The following PCDHA1 variants were observed in gnomAD, a reference collection of about 807,000 sequenced individuals.
PCDHA1 encodes protocadherin alpha-1.
PCDHA1 carries 42 observed loss-of-function variants against 61.3 expected under a neutral mutation model. That is an observed-to-expected ratio of 0.69 (90% CI 0.54 to 0.89). The LOEUF (loss-of-function observed/expected upper bound fraction) is 0.89. Among genes scored for constraint, PCDHA1 ranks in the 40% least tolerant of loss-of-function variants. PCDHA1 has a pLI of 0.00. For synonymous variants in PCDHA1, 610 were observed against 553.8 expected (o/e 1.10, Z -1.43); for missense variants, 1,256 against 1,235.3 (o/e 1.02, Z -0.25).
rs139214405 is a variant in PCDHA1, at chr5:140,927,269, C to A, written c.2395-51680C>A. The A allele has an allele frequency of 2.4e-5, 38 of 1,614,024 alleles. No individual in the cohort carries two copies. In the African/African-American group the frequency reaches 3.9e-4, roughly 16 times the overall value. On this transcript the variant is annotated intron_variant, in intron 1 of 3. Transcript: ENST00000504120. ...AATGACAACTCACCTCTCTTTCCTG[C>A]CGGCGACGTGCAGCTGCACATCCCC...
chr5:141,007,200 G>T (rs1437076735), intron 3 of PCDHA1, among the ~76,000 whole-genome samples: 2 of 152,010 alleles, frequency 1.3e-5, no homozygotes, highest in Admixed American at 6.6e-5. Context: ...GATGGTGGGG[G>T]CCAGAATATG....
chr5:140,903,415 A>T (rs1303652958), intron 1 of PCDHA1, among the ~76,000 whole-genome samples: 1 of 152,238 alleles, frequency 6.6e-6, no homozygotes, highest in East Asian at 1.9e-4. Flanking sequence ...GTCAGGAAAA[A>T]TTCAGCACAA....
chr5:140,803,552 A>C (rs1554122885), intron 1 of PCDHA1: 10 of 1,614,214 alleles, frequency 6.2e-6, no homozygotes, highest in Non-Finnish European at 8.5e-6. Context: ...GCCGGGATAG[A>C]GAGGAGAAAC....
chr5:140,898,673 G>A (rs1378652105), intron 1 of PCDHA1, among the ~76,000 whole-genome samples: 1 of 152,170 alleles, frequency 6.6e-6, no homozygotes, highest in Non-Finnish European at 1.5e-5. Flanking sequence ...GGTGTTGCGG[G>A]CTGTTTTTTG....
At chr5:140,858,233 G>A in intron 1 of PCDHA1, 2 of 1,596,216 alleles carry the variant, frequency 1.3e-6, no homozygotes, top group Non-Finnish European at 1.7e-6. Flanking sequence ...CACCGAGGGC[G>A]CATGTGGGCC....
Position 140,788,701 on chromosome 5 carries a change from A to T in PCDHA1, c.2394+17A>T, listed in dbSNP as rs1554118319. ...TCTGGTAATGTAAGTCCAACTTTCG[A>T]GTTTTGGCTTTAAATATTTTTCATA... On this transcript the variant is annotated intron_variant, in intron 1 of 3. Transcript: ENST00000504120. 1 of 1,525,470 alleles carries T rather than the reference A, an allele frequency of 6.6e-7. No individual in the cohort carries two copies. Among genetic ancestry groups the T allele is most frequent in the Admixed American group, 2.2e-5 (1 of 44,680 alleles). The allele number at this position is 1,525,470 out of a possible 1,614,324, so 94.5% of individuals were successfully genotyped here.
chr5:140,842,233 T>C (rs2150332327), intron 1 of PCDHA1: 1 of 1,612,914 alleles, frequency 6.2e-7, no homozygotes, highest in Admixed American at 1.7e-5. Context: ...AAATAGTGAT[T>C]CGGGGTAATT....
At chr5:140,832,321 C>T (rs1475478969) in intron 1 of PCDHA1, among the ~76,000 whole-genome samples, 2 of 152,258 alleles carry the variant, frequency 1.3e-5, no homozygotes, top group Middle Eastern at 3.4e-3. Flanking sequence ...GCTTAAGGGC[C>T]ATTAGAGGAC....
chr5:141,000,185 G>A (rs1434179793), intron 3 of PCDHA1, among the ~76,000 whole-genome samples: 1 of 151,896 alleles, frequency 6.6e-6, no homozygotes, highest in African/African-American at 2.4e-5. Flanking sequence ...AGGAGTCAAT[G>A]TGAGAATAGT....
rs1228287347 is a variant in PCDHA1 at position 140,788,216 on chromosome 5, G to A, written c.1926G>A (p.Leu642=). ...STTRVLDEAD[L]SRYRLLVLVK... is the part of the protein sequence containing the mutation. ...CTCGTGTCCTGGACGAGGCTGACTT[G>A]TCGCGCTACCGCCTTCTGGTGCTAG... The change falls in exon 1 of 4, where the codon TTG becomes TTA. Residue 642 remains leucine (L), a synonymous_variant. Transcript: ENST00000504120. 5 of 1,614,046 alleles carry A rather than the reference G, an allele frequency of 3.1e-6. No homozygotes were observed. The African/African-American group carries it at 6.7e-5, about 21-fold the overall frequency.
chr5:140,876,716 G>C lies in PCDHA1; in HGVS notation c.2394+88032G>C, dbSNP rs374218090. On this transcript the variant is annotated intron_variant, in intron 1 of 3. Coordinates refer to ENST00000504120, the MANE Select transcript of PCDHA1 (RefSeq NM_018900.4). ...TTGGTGCTGGACAGCGCCCTGGACC[G>C]CGAGAGCGTGTCGGCCTATGAGCTG... 135 of 1,614,132 alleles carry C rather than the reference G, an allele frequency of 8.4e-5. No homozygotes were observed. In the Middle Eastern group the frequency reaches 2.5e-3, roughly 29 times the overall value.
intron 1 of PCDHA1, among the ~76,000 whole-genome samples, chr5:140,838,628 T>G (rs1364400587): frequency 2.0e-5 from 3 of 151,994 alleles, no homozygotes; most frequent in African/African-American, 7.3e-5. Flanking sequence ...TTACAAATAA[T>G]TTGGTTGGTC....
chr5:140,827,852 A>C (rs1554130902), intron 1 of PCDHA1: 2 of 494,614 alleles, frequency 4.0e-6, no homozygotes, highest in Non-Finnish European at 6.9e-6. Context: ...ACTGTTTTAA[A>C]AATATATGGT....
intron 3 of PCDHA1, among the ~76,000 whole-genome samples, chr5:140,991,587 C>T (rs1469333893): frequency 1.3e-5 from 2 of 152,208 alleles, no homozygotes; most frequent in African/African-American, 2.4e-5. Flanking sequence ...CTTATTTCTA[C>T]CTGAGCCCTC....
chr5:140,821,883 G>A, intron 1 of PCDHA1: 1 of 1,614,238 alleles, frequency 6.2e-7, no homozygotes, highest in Non-Finnish European at 8.5e-7. Flanking sequence ...CGATCCCGGA[G>A]GAAGCCAAAC....
Position 140,787,059 on chromosome 5 carries a change from A to C in PCDHA1, c.769A>C (p.Asn257His), listed in dbSNP as rs782737407. ...YRVHLLETTANGTLVTTLNAS... is the reference protein window; with the variant it reads ...YRVHLLETTAHGTLVTTLNAS... ...AGTCCACTTGTTAGAGACTACAGCA[A>C]ATGGAACATTAGTGACCACATTAAA... Residue 257 changes from asparagine (N) to histidine (H), a missense_variant, in exon 1 of 4, where the codon AAT (asparagine) becomes CAT (histidine). Physicochemically the swap from Asn to His is moderately conservative, Grantham distance 68. Transcript: ENST00000504120. The C allele has an allele frequency of 6.2e-7, 1 of 1,614,228 alleles. No individual in the cohort carries two copies. Among genetic ancestry groups the C allele is most frequent in the South Asian group, 1.1e-5 (1 of 91,090 alleles).
intron 3 of PCDHA1, among the ~76,000 whole-genome samples, chr5:140,990,782 C>T (rs1460964532): frequency 2.0e-5 from 3 of 152,120 alleles, no homozygotes; most frequent in Non-Finnish European, 1.5e-5. Context: ...CTGTGTTGGA[C>T]GATGAACCAT....
intron 1 of PCDHA1, chr5:140,835,828 C>A: frequency 6.2e-7 from 1 of 1,612,490 alleles, no homozygotes. Context: ...GCGGGGGACG[C>A]GGACGCGCAG....
chr5:140,805,962 C>T lies in PCDHA1; in HGVS notation c.2394+17278C>T, dbSNP rs1763656456. Among the ~76,000 whole-genome samples, 3 of 152,212 alleles carry T rather than the reference C, an allele frequency of 2.0e-5. No homozygotes were observed. The South Asian group carries it at 6.2e-4, about 32-fold the overall frequency. ...TCTGAGCTATTAAACAATTAAGATA[C>T]AACTATTCCCTTTAAAATATATATT... On this transcript the variant is annotated intron_variant, in intron 1 of 3. Transcript: ENST00000504120.
Sources: allele counts gnomAD v4.1 joint callset (sites outside exome capture counted in the v4.1 genomes callset), GRCh38; gene constraint gnomAD v4.1.1; transcripts MANE v1.5; gene names NCBI Gene and HGNC (gene_info 2026-07-23, HGNC 2026-07-21).